The following LRTM3 variants were observed in gnomAD, a reference collection of about 807,000 sequenced individuals.
LRTM3 encodes leucine-rich repeat transmembrane protein 3.
the LRTM3 span, chr13:102,736,400 A>G: frequency 6.4e-7 from 1 of 1,551,006 alleles, no homozygotes; most frequent in Non-Finnish European, 8.7e-7. Context: ...CAGGCCATGC[A>G]TGGATACTGT....
At chr13:102,732,299 G>GC in the LRTM3 span, 1 of 1,551,252 alleles carries the variant, frequency 6.4e-7, no homozygotes, top group Non-Finnish European at 8.7e-7. Context: ...ACTCCACGAA[G>GC]CTATGTTCTT....
chr13:102,740,081 G>A, the LRTM3 span: 3 of 1,549,566 alleles, frequency 1.9e-6, no homozygotes, highest in Non-Finnish European at 2.6e-6. Flanking sequence ...AGAATGTAAT[G>A]TTATAGGCAG....
chr13:102,750,334 C>T, the LRTM3 span: 1 of 1,542,336 alleles, frequency 6.5e-7, no homozygotes, highest in Non-Finnish European at 8.8e-7. Context: ...AGTTACATTC[C>T]TTTTCTTCAG....
At chr13:102,738,949 C>T in the LRTM3 span, 43 of 1,550,392 alleles carry the variant, frequency 2.8e-5, no homozygotes, top group African/African-American at 2.6e-4. Flanking sequence ...TGTCTTTCTG[C>T]GGCATATGTT....
chr13:102,758,309 G>A, the LRTM3 span: 2 of 727,236 alleles, frequency 2.8e-6, no homozygotes, highest in Non-Finnish European at 4.5e-6. Flanking sequence ...GAACAGCTAG[G>A]AAAACCCTTC....
the LRTM3 span, chr13:102,738,884 A>C: frequency 3.9e-6 from 6 of 1,550,730 alleles, no homozygotes; most frequent in Non-Finnish European, 5.2e-6. Flanking sequence ...CTTCACCTCC[A>C]AAGCTATTCT....
At chr13:102,739,876 G>T in the LRTM3 span, 4 of 1,549,962 alleles carry the variant, frequency 2.6e-6, no homozygotes, top group African/African-American at 1.4e-5. Context: ...TGACCATTTT[G>T]TCTGTCATGT....
At chr13:102,740,429 T>C in the LRTM3 span, 1 of 1,550,094 alleles carries the variant, frequency 6.5e-7, no homozygotes, top group African/African-American at 1.4e-5. Context: ...TGCTTCCTTT[T>C]CCTGAGGCAT....
the LRTM3 span, chr13:102,742,211 C>T: frequency 6.4e-7 from 1 of 1,550,578 alleles, no homozygotes; most frequent in Admixed American, 2.0e-5. Context: ...GATGTTACCT[C>T]TCAGTTCTTT....
chr13:102,734,291 T>TC, the LRTM3 span: 1 of 1,551,416 alleles, frequency 6.4e-7, no homozygotes, highest in Non-Finnish European at 8.7e-7. Context: ...TTTCTCTGTA[T>TC]CTGGTAATGC....
At chr13:102,736,030 T>G in the LRTM3 span, 1 of 1,549,448 alleles carries the variant, frequency 6.5e-7, no homozygotes, top group Non-Finnish European at 8.7e-7. Context: ...CTTCCCTGCC[T>G]TCTATTTTTA....
the LRTM3 span, chr13:102,732,894 C>G: frequency 1.9e-6 from 3 of 1,551,276 alleles, no homozygotes; most frequent in Non-Finnish European, 2.6e-6. Context: ...TGTTTTTCCT[C>G]CAGATCCCCT....
At chr13:102,739,443 C>T in the LRTM3 span, 4 of 1,550,178 alleles carry the variant, frequency 2.6e-6, no homozygotes, top group Middle Eastern at 6.7e-4. Flanking sequence ...GGAAGGCAGC[C>T]CTTTAGAGTT....
At chr13:102,740,788 T>C in the LRTM3 span, 15 of 1,549,182 alleles carry the variant, frequency 9.7e-6, no homozygotes, top group Admixed American at 2.9e-4. Context: ...AGCCAATTCC[T>C]TTTGTATTTG....
the LRTM3 span, chr13:102,735,470 G>A: frequency 1.3e-6 from 2 of 1,551,192 alleles, no homozygotes; most frequent in African/African-American, 2.7e-5. Context: ...AGTAAGTAAA[G>A]AAGTATTAAT....
the LRTM3 span, among the ~76,000 whole-genome samples, chr13:102,754,205 CAAA>C: frequency 1.4e-4 from 11 of 77,290 alleles, no homozygotes; most frequent in Middle Eastern, 7.9e-3. Context: ...ACTCCATCTC[CAAA>C]AAAAAAAAAA....
the LRTM3 span, chr13:102,741,666 A>T: frequency 6.4e-7 from 1 of 1,550,424 alleles, no homozygotes; most frequent in East Asian, 2.4e-5. Flanking sequence ...TTCTGTTGAG[A>T]AGTATCCAAC....
chr13:102,739,669 G>C, the LRTM3 span: 4 of 1,550,328 alleles, frequency 2.6e-6, no homozygotes, highest in South Asian at 4.8e-5. Context: ...TGATGTTAGG[G>C]CTTTTTATTC....
the LRTM3 span, chr13:102,739,290 T>C: frequency 7.7e-6 from 12 of 1,549,698 alleles, no homozygotes; most frequent in African/African-American, 5.5e-5. Flanking sequence ...ATTACATCTT[T>C]CACATCTACT....
Sources: gnomAD v4.1 joint callset for allele counts (sites outside exome capture counted in the v4.1 genomes callset) on GRCh38, gnomAD v4.1.1 for gene constraint, MANE v1.5 for transcripts, NCBI Gene and HGNC (gene_info 2026-07-23, HGNC 2026-07-21) for gene names.